CYSLTR2: variants seen among roughly 807,000 people sequenced by gnomAD.
The protein encoded by CYSLTR2 is cysteinyl leukotriene receptor 2.
For missense variants in CYSLTR2, 398 were observed against 411.9 expected, an observed-to-expected ratio of 0.97 and a Z score of 0.29; for synonymous variants, 179 against 160.8, an observed-to-expected ratio of 1.11 and a Z score of -0.86.
chr13:48,687,332 CATCT>C (rs375041227), intron 1 of CYSLTR2, among the ~76,000 whole-genome samples: 3 of 151,856 alleles, frequency 2.0e-5, no homozygotes, highest in Non-Finnish European at 4.4e-5. Context: ...AATCTCCTCT[CATCT>C]ATCTATCTAT....
chr13:48,678,906 A>C (rs1953672900), intron 1 of CYSLTR2, among the ~76,000 whole-genome samples: 1 of 151,324 alleles, frequency 6.6e-6, no homozygotes, highest in African/African-American at 2.4e-5. Context: ...GAGCACCCCT[A>C]CTCACCTCTC....
At chr13:48,660,715 G>A (rs1049845134) in intron 1 of CYSLTR2, among the ~76,000 whole-genome samples, 10 of 152,254 alleles carry the variant, frequency 6.6e-5, no homozygotes, top group African/African-American at 2.2e-4. Context: ...GCACAAGACC[G>A]TTCTTGGAAG....
chr13:48,696,816 A>G (rs1184316103), intron 4 of CYSLTR2, among the ~76,000 whole-genome samples, 190 bp downstream of exon 4: 1 of 152,216 alleles, frequency 6.6e-6, no homozygotes, highest in Non-Finnish European at 1.5e-5. Flanking sequence ...CAACTGCCTT[A>G]GCAAACGGCA....
chr13:48,697,259 C>A (rs878995602), intron 4 of CYSLTR2, among the ~76,000 whole-genome samples: 1 of 152,162 alleles, frequency 6.6e-6, no homozygotes, highest in East Asian at 1.9e-4. Context: ...AAAAACCTCC[C>A]AGTAGGGGCC....
rs141543990 is a variant in CYSLTR2 at position 48,657,349 on chromosome 13, T to C, written c.-266+3332T>C. Among the ~76,000 whole-genome samples, 658 of 152,254 alleles carry C rather than the reference T, an allele frequency of 4.3e-3. 7 individuals are homozygous for C. The highest frequency in any genetic ancestry group is 0.015 in the African/African-American group (604 of 41,552). ...AAGCAGTGAGTTGGAGTCAAGAAATTCCAAAGTCGGAAGGGTCCTTAGGAA... is the reference window on the plus strand; with the variant it reads ...AAGCAGTGAGTTGGAGTCAAGAAATCCCAAAGTCGGAAGGGTCCTTAGGAA... On this transcript the variant is annotated intron_variant, in intron 1 of 4. Transcript: ENST00000682523.
At chr13:48,684,169 T>C (rs1031414036) in intron 1 of CYSLTR2, among the ~76,000 whole-genome samples, 7 of 152,046 alleles carry the variant, frequency 4.6e-5, no homozygotes. Context: ...CCTCAAGTGA[T>C]CCTCCCACCT....
At chr13:48,661,252 G>A (rs1003396261) in intron 1 of CYSLTR2, among the ~76,000 whole-genome samples, 3 of 151,860 alleles carry the variant, frequency 2.0e-5, no homozygotes, top group South Asian at 4.2e-4. Context: ...TTGCCTGGCC[G>A]CATTACCCCC....
chr13:48,709,492 T>TA lies in CYSLTR2; in HGVS notation c.*1635dup. ...ATAATCTGAAAAAAAGGCTGACAGA[T>TA]ACAAATAGTTGAGGATCCTTCAACA... is the stretch of plus-strand genomic sequence containing the variant. On this transcript the variant is annotated 3_prime_UTR_variant, in exon 5 of 5. Coordinates refer to ENST00000682523, the MANE Select transcript of CYSLTR2 (RefSeq NM_001308476.3). The TA allele has an allele frequency of 6.3e-6, 1 of 157,508 alleles. No individual in the cohort carries two copies. 9.8% of individuals were successfully genotyped at this position (157,508 alleles called of 1,614,324 possible).
At chr13:48,658,929 A>G (rs966807211) in intron 1 of CYSLTR2, among the ~76,000 whole-genome samples, 12 of 152,054 alleles carry the variant, frequency 7.9e-5, no homozygotes, top group African/African-American at 2.4e-4. Flanking sequence ...TGGAAAGGTC[A>G]CTCTGGCCAC....
rs1954537799 is a variant in CYSLTR2 at position 48,707,624 on chromosome 13, C to G, written c.807C>G (p.Val269=). The G allele has an allele frequency of 6.2e-7, 1 of 1,613,176 alleles. No individual in the cohort carries two copies. Among genetic ancestry groups the G allele is most frequent in the African/African-American group, 1.3e-5 (1 of 74,898 alleles). The change falls in exon 5 of 5, where the codon GTC becomes GTG. Residue 269 remains valine, a synonymous_variant. Coordinates refer to ENST00000682523, the MANE Select transcript of CYSLTR2 (RefSeq NM_001308476.3). ...CFLPYHTLRT[V]HLTTWKVGLC... ...TGCCCTATCACACACTGAGGACCGT[C>G]CACTTGACGACATGGAAAGTGGGTT... is the stretch of plus-strand genomic sequence containing the variant.
intron 1 of CYSLTR2, among the ~76,000 whole-genome samples, chr13:48,673,387 GT>G (rs2138860932): frequency 8.1e-6 from 1 of 123,344 alleles, no homozygotes; most frequent in East Asian, 2.5e-4. Context: ...TTTGATCTTT[GT>G]TGGTTTAAAG....
chr13:48,703,458 G>A (rs1954402327), intron 4 of CYSLTR2, among the ~76,000 whole-genome samples: 1 of 152,074 alleles, frequency 6.6e-6, no homozygotes, highest in Non-Finnish European at 1.5e-5. Flanking sequence ...TAGGTTTTTT[G>A]TATATGCTCT....
chr13:48,702,664 C>T (rs1448820852), intron 4 of CYSLTR2, among the ~76,000 whole-genome samples: 1 of 151,678 alleles, frequency 6.6e-6, no homozygotes, highest in African/African-American at 2.4e-5. Context: ...GTTTGTCCTT[C>T]AGCCAATACC....
chr13:48,674,583 A>G (rs1406550149), intron 1 of CYSLTR2, among the ~76,000 whole-genome samples: 4 of 152,140 alleles, frequency 2.6e-5, no homozygotes, highest in Non-Finnish European at 5.9e-5. Context: ...TTTAGCTAGG[A>G]GGAGTTTGTT....
In CYSLTR2 at chr13:48,666,638, G is replaced by A. The variant is rs142580671; in HGVS notation, c.-266+12621G>A. Among the ~76,000 whole-genome samples the A allele has an allele frequency of 6.8e-3, 1,037 of 152,044 alleles. 8 individuals carry two copies. Among genetic ancestry groups the A allele is most frequent in the African/African-American group, 0.023 (965 of 41,478 alleles). On this transcript the variant is annotated intron_variant, in intron 1 of 4. Coordinates refer to ENST00000682523, the MANE Select transcript of CYSLTR2 (RefSeq NM_001308476.3). ...CTGCCTGTGTTATTTCAAAAGACCT[G>A]TCTTCGTGCTTAGAAATTCTTTCTT...
chr13:48,695,999 G>T (rs1010784848), intron 3 of CYSLTR2, among the ~76,000 whole-genome samples: 6 of 152,212 alleles, frequency 3.9e-5, no homozygotes, highest in Non-Finnish European at 8.8e-5. Flanking sequence ...TTTCCAGAAT[G>T]ACCGTATCAT....
At chr13:48,687,876 G>C (rs192277050) in intron 1 of CYSLTR2, among the ~76,000 whole-genome samples, 7 of 152,316 alleles carry the variant, frequency 4.6e-5, no homozygotes, top group Admixed American at 4.6e-4. Flanking sequence ...AGCAGAAACT[G>C]TATTAATATT....
At chr13:48,663,580 GT>G (rs1282964078) in intron 1 of CYSLTR2, among the ~76,000 whole-genome samples, 3 of 151,706 alleles carry the variant, frequency 2.0e-5, no homozygotes, top group African/African-American at 7.3e-5. Context: ...TCCTAAGGTT[GT>G]TTTTTGTTTG....
chr13:48,655,476 T>G (rs543790214), intron 1 of CYSLTR2, among the ~76,000 whole-genome samples: 1 of 152,262 alleles, frequency 6.6e-6, no homozygotes, highest in South Asian at 2.1e-4. Flanking sequence ...GCGTTCTGGT[T>G]TCTCCCATCA....
Sources: gnomAD v4.1 joint callset for allele counts (sites outside exome capture counted in the v4.1 genomes callset) on GRCh38, gnomAD v4.1.1 for gene constraint, MANE v1.5 for transcripts, NCBI Gene and HGNC (gene_info 2026-07-23, HGNC 2026-07-21) for gene names.